The following ZRSR2 variants were observed in gnomAD, a reference collection of about 807,000 sequenced individuals.
The protein encoded by ZRSR2 is U2 small nuclear ribonucleoprotein auxiliary factor 35 kDa subunit-related protein 2.
A neutral mutation model predicts 39.4 loss-of-function variants in ZRSR2; 3 were observed. The ratio of observed to expected loss-of-function variants is 0.08; its 90% CI spans 0.03 to 0.20. The LOEUF is 0.20. Among genes scored for constraint, ZRSR2 ranks in the 10% least tolerant of loss-of-function variants. The pLI is 1.00. For missense variants in ZRSR2, 256 were observed against 391.5 expected, an observed-to-expected ratio of 0.65 and a Z score of 2.92; for synonymous variants, 137 against 136.0, an observed-to-expected ratio of 1.01 and a Z score of -0.05.
intron 2 of ZRSR2, among the ~76,000 whole-genome samples, chrX:15,796,538 A>T (rs1267249843): frequency 9.0e-6 from 1 of 111,176 alleles, no homozygotes; most frequent in Non-Finnish European, 1.9e-5. Flanking sequence ...CTTGTTTTGT[A>T]CTACAGTTAA....
rs779880901 is a variant in ZRSR2, at chrX:15,798,481, G to A, written c.122-1391G>A. On this transcript the variant is annotated intron_variant, in intron 2 of 10. Transcript: ENST00000307771. ...TTCTTTCTTTTTCTCTATTTAAAGA[G>A]ATACATACATAGAACATTTTTTCTG... Among the ~76,000 whole-genome samples the A allele has an allele frequency of 7.1e-5, 8 of 111,983 alleles. No individual in the cohort carries two copies. In the South Asian group the frequency reaches 3.0e-3, roughly 41 times the overall value.
intron 8 of ZRSR2, 105 bp downstream of exon 8, chrX:15,815,995 C>T: frequency 1.6e-6 from 1 of 616,928 alleles, no homozygotes; most frequent in Non-Finnish European, 2.4e-6. Context: ...CACGCTAGCA[C>T]TCTATAAATG....
At chrX:15,797,351 C>T (rs982976416) in intron 2 of ZRSR2, among the ~76,000 whole-genome samples, 6 of 107,933 alleles carry the variant, frequency 5.6e-5, no homozygotes, top group South Asian at 4.1e-4. Context: ...GCTGGGATTA[C>T]GGGGGGCTGC....
chrX:15,799,542 C>T (rs953872562), intron 2 of ZRSR2, among the ~76,000 whole-genome samples: 1 of 107,128 alleles, frequency 9.3e-6, no homozygotes, highest in Admixed American at 1.0e-4. Context: ...GAAACCTCCA[C>T]CTCCTGGGTT....
chrX:15,793,279 G>C (rs908976503), intron 2 of ZRSR2, among the ~76,000 whole-genome samples: 1 of 110,722 alleles, frequency 9.0e-6, no homozygotes, highest in Non-Finnish European at 1.9e-5. Context: ...TATTTGTATT[G>C]TTTTGATTTT....
chrX:15,817,702 C>G (rs748682346), intron 8 of ZRSR2, among the ~76,000 whole-genome samples: 55 of 111,382 alleles, frequency 4.9e-4, no homozygotes, highest in Non-Finnish European at 9.2e-4. Context: ...TATAAATTGG[C>G]ACACTCCTGG....
intron 3 of ZRSR2, among the ~76,000 whole-genome samples, 154 bp from the exon 4 acceptor site, chrX:15,803,534 T>C (rs1932738168): frequency 1.8e-5 from 2 of 111,695 alleles, no homozygotes. Flanking sequence ...GCTCTGCTCT[T>C]CTCGTTCTCT....
At chrX:15,807,993 TCACGCCACTG>T (rs200648655) in intron 5 of ZRSR2, among the ~76,000 whole-genome samples, 2,646 of 110,644 alleles carry the variant, frequency 0.024, 33 homozygotes, top group Non-Finnish European at 0.039. Flanking sequence ...TGAGCTGAGG[TCACGCCACTG>T]CACTCCAGCC....
intron 10 of ZRSR2, among the ~76,000 whole-genome samples, chrX:15,821,036 G>A (rs1933093981): frequency 8.9e-6 from 1 of 112,156 alleles, no homozygotes; most frequent in South Asian, 3.7e-4. Flanking sequence ...GTTTACTTGT[G>A]TTTCTTTGCT....
chrX:15,803,075 C>G (rs1251702796), intron 3 of ZRSR2, among the ~76,000 whole-genome samples: 1 of 108,556 alleles, frequency 9.2e-6, no homozygotes, highest in Non-Finnish European at 1.9e-5. Context: ...CCAGCCTGGC[C>G]AACATGATGA....
Position 15,808,279 on chromosome X carries a change from TA to T in ZRSR2, c.438+12del. 2.5e-6 allele frequency: 3 copies of T among 1,192,922 alleles called. No individual in the cohort carries two copies. The highest frequency in any genetic ancestry group is 1.1e-6 in the Non-Finnish European group (1 of 882,000). Reference sequence around the variant, plus strand: ...GATCAGGCTGAAAATGAGGTATTTTTAAAACCTTACATTGATAATTTGAGAC... The same window carrying T: ...GATCAGGCTGAAAATGAGGTATTTTTAAACCTTACATTGATAATTTGAGAC... On this transcript the variant is annotated intron_variant, in intron 6 of 10. Transcript: ENST00000307771.
In ZRSR2 at chrX:15,822,374, A is replaced by G. The variant is rs777274755; in HGVS notation, c.938-357A>G. 2.4e-4 allele frequency among the ~76,000 whole-genome samples: 27 copies of G among 111,182 alleles called. No homozygotes were observed. In the Admixed American group the frequency reaches 2.5e-3, roughly 10 times the overall value. ...ACCACAGGGACCCAAAGAGCTGGCT[A>G]TTTGATGTTAATCAGGGATCAAAAT... On this transcript the variant is annotated intron_variant, in intron 10 of 10. Coordinates refer to ENST00000307771, the MANE Select transcript of ZRSR2 (RefSeq NM_005089.4).
At chrX:15,798,108 A>C (rs1353830943) in intron 2 of ZRSR2, among the ~76,000 whole-genome samples, 1 of 112,774 alleles carries the variant, frequency 8.9e-6, no homozygotes, top group Non-Finnish European at 1.9e-5. Context: ...TGCTGAAATA[A>C]TAAAGTTTAC....
intron 3 of ZRSR2, 42 bp downstream of exon 3, chrX:15,799,995 TA>T (rs1569065577): frequency 3.4e-6 from 3 of 880,617 alleles, no homozygotes; most frequent in Non-Finnish European, 4.8e-6. Context: ...GAAGTTATTT[TA>T]TTGGAATATT....
rs1601802236 is a variant in ZRSR2 at position 15,790,809 on chromosome X, C to T, written c.42-125C>T. ...AGATGGCTGTTCTGTAATTAAAATA[C>T]AGGAAGCAAGGTTTCTCTCCTCAGC... On this transcript the variant is annotated intron_variant, in intron 1 of 10. Coordinates refer to ENST00000307771, the MANE Select transcript of ZRSR2 (RefSeq NM_005089.4). 21 of 688,316 alleles carry T rather than the reference C, an allele frequency of 3.1e-5. No individual in the cohort carries two copies. The East Asian group carries it at 6.0e-4, about 20-fold the overall frequency. 56.7% of individuals were successfully genotyped at this position (688,316 alleles called of 1,213,427 possible).
intron 10 of ZRSR2, among the ~76,000 whole-genome samples, chrX:15,822,069 C>T (rs1377626515): frequency 9.1e-6 from 1 of 110,144 alleles, no homozygotes; most frequent in Non-Finnish European, 1.9e-5. Context: ...TGGCTCACTG[C>T]AACCTCCACC....
intron 3 of ZRSR2, chrX:15,801,351 C>T (rs1228032731): frequency 3.5e-6 from 1 of 282,824 alleles, no homozygotes; most frequent in Non-Finnish European, 6.9e-6. Flanking sequence ...GCCTCAGCCT[C>T]CCGAGTAGCC....
intron 2 of ZRSR2, among the ~76,000 whole-genome samples, chrX:15,795,371 C>T (rs911334529): frequency 2.0e-4 from 22 of 110,962 alleles, no homozygotes; most frequent in African/African-American, 6.9e-4. Flanking sequence ...TTCTTACGAC[C>T]CCCTGGTCTA....
At chrX:15,795,821 C>G (rs1384019534) in intron 2 of ZRSR2, among the ~76,000 whole-genome samples, 1 of 111,419 alleles carries the variant, frequency 9.0e-6, no homozygotes, top group African/African-American at 3.3e-5. Flanking sequence ...ATACTTTCAT[C>G]TGCATTAAAA....
Sources: allele counts gnomAD v4.1 joint callset (sites outside exome capture counted in the v4.1 genomes callset), GRCh38; gene constraint gnomAD v4.1.1; transcripts MANE v1.5; gene names NCBI Gene and HGNC (gene_info 2026-07-23, HGNC 2026-07-21).